Variants in HERC3 observed in about 807,000 individuals in gnomAD.
HERC3 encodes probable E3 ubiquitin-protein ligase HERC3.
Under a neutral mutation model 129.9 loss-of-function variants are expected in HERC3, and 58 were observed. The observed-to-expected ratio is 0.45, with a 90% CI of 0.36 to 0.56. HERC3 has a LOEUF of 0.56. Ranked by LOEUF, HERC3 falls within the 20% of genes least tolerant of loss-of-function variation. The pLI is 0.00. For synonymous variants in HERC3, 430 were observed against 451.0 expected (o/e 0.95, Z 0.59); for missense variants, 835 against 1,244.2 (o/e 0.67, Z 4.95).
chr4:88,655,397 C>T (rs988332805), intron 8 of HERC3, 93 bp downstream of exon 8: 9 of 1,401,586 alleles, frequency 6.4e-6, no homozygotes, highest in African/African-American at 5.7e-5. Flanking sequence ...ACCTAGTCAC[C>T]GTCATTTTAA....
Position 88,609,547 on chromosome 4 carries a change from A to G in HERC3, c.226+3498A>G, listed in dbSNP as rs78873353. ...TCTAGTTTTTTATCTACCAGGAAATAATTGCCTGTCCCTGGGCAAGTTTCT... is the reference window on the plus strand; with the variant it reads ...TCTAGTTTTTTATCTACCAGGAAATGATTGCCTGTCCCTGGGCAAGTTTCT... On this transcript the variant is annotated intron_variant, in intron 3 of 25. Transcript: ENST00000402738. 4.4e-3 allele frequency among the ~76,000 whole-genome samples: 674 copies of G among 152,234 alleles called. 9 individuals are homozygous for G. Among genetic ancestry groups the G allele is most frequent in the African/African-American group, 0.015 (643 of 41,534 alleles).
chr4:88,601,838 C>T (rs1003285400), intron 2 of HERC3, among the ~76,000 whole-genome samples: 1 of 128,646 alleles, frequency 7.8e-6, no homozygotes, highest in Non-Finnish European at 1.5e-5. Flanking sequence ...GGGCGGATCA[C>T]GAGGTCAGGA....
At chr4:88,706,259 CCT>C (rs1177537468) in intron 25 of HERC3, among the ~76,000 whole-genome samples, 2 of 152,152 alleles carry the variant, frequency 1.3e-5, no homozygotes, top group African/African-American at 4.8e-5. Context: ...TGTCTGTCTC[CCT>C]CTCTCTCTTT....
chr4:88,697,140 A>G, intron 23 of HERC3: 1 of 1,430,482 alleles, frequency 7.0e-7, no homozygotes, highest in Non-Finnish European at 9.3e-7. Context: ...GTCCATCGAT[A>G]TTCTGGGAAA....
chr4:88,552,592 T>A, the HERC3 span, among the ~76,000 whole-genome samples: 1 of 152,220 alleles, frequency 6.6e-6, no homozygotes, highest in East Asian at 1.9e-4. Context: ...TGGGCACTTT[T>A]AAGGATGATG....
At chr4:88,542,790 A>T in the HERC3 span, among the ~76,000 whole-genome samples, 9 of 152,352 alleles carry the variant, frequency 5.9e-5, no homozygotes, top group East Asian at 1.5e-3. Flanking sequence ...AACACATGCC[A>T]ATCAATAAAC....
At chr4:88,693,800 T>C (rs1734318943) in intron 23 of HERC3, 1 of 458,044 alleles carries the variant, frequency 2.2e-6, no homozygotes, top group African/African-American at 2.1e-5. Flanking sequence ...GTTGAGTGTG[T>C]ATTGCATGCT....
chr4:88,643,221 T>G (rs548859012), intron 3 of HERC3, among the ~76,000 whole-genome samples: 1 of 152,330 alleles, frequency 6.6e-6, no homozygotes, highest in South Asian at 2.1e-4. Flanking sequence ...AAAAGTCTGG[T>G]AGAAGAAATC....
chr4:88,670,282 T>G lies in HERC3; in HGVS notation c.1911+30T>G, dbSNP rs758919895. 1.4e-5 allele frequency: 20 copies of G among 1,417,468 alleles called. No homozygotes were observed. The South Asian group carries it at 2.1e-4, about 15-fold the overall frequency. 87.8% of individuals were successfully genotyped at this position (1,417,468 alleles called of 1,614,324 possible). On this transcript the variant is annotated intron_variant, in intron 16 of 25. Coordinates refer to ENST00000402738, the MANE Select transcript of HERC3 (RefSeq NM_014606.3). Reference sequence around the variant, plus strand: ...GAATTCATAAAGCATATTTTAAAGCTTTAGTCTTTTTATAAGAAAAGCACA... The same window carrying G: ...GAATTCATAAAGCATATTTTAAAGCGTTAGTCTTTTTATAAGAAAAGCACA...
intron 3 of HERC3, among the ~76,000 whole-genome samples, chr4:88,643,957 T>C (rs1469901338): frequency 2.0e-5 from 3 of 152,174 alleles, no homozygotes; most frequent in Non-Finnish European, 1.5e-5. Context: ...AAAATTTAAT[T>C]TTAAAAATTG....
intron 3 of HERC3, among the ~76,000 whole-genome samples, chr4:88,620,595 A>G (rs1253694810): frequency 6.6e-6 from 1 of 152,130 alleles, no homozygotes; most frequent in Non-Finnish European, 1.5e-5. Flanking sequence ...AGTTACCATC[A>G]TATCTCACCT....
chr4:88,554,839 T>C, the HERC3 span, among the ~76,000 whole-genome samples: 1 of 152,186 alleles, frequency 6.6e-6, no homozygotes, highest in South Asian at 2.1e-4. Context: ...TATACCAAAA[T>C]GGGCTGCTGC....
At chr4:88,688,830 C>T (rs1370858878) in intron 23 of HERC3, among the ~76,000 whole-genome samples, 1 of 152,048 alleles carries the variant, frequency 6.6e-6, no homozygotes, top group African/African-American at 2.4e-5. Flanking sequence ...GCAAGGAAAA[C>T]GTAATTTCTT....
chr4:88,697,688 C>T (rs368612480), intron 23 of HERC3: 22 of 1,610,996 alleles, frequency 1.4e-5, no homozygotes, highest in Non-Finnish European at 1.8e-5. Flanking sequence ...ACCTCCTCTG[C>T]CGCTGCCTCC....
At chr4:88,637,347 AC>A (rs1727537557) in intron 3 of HERC3, among the ~76,000 whole-genome samples, 1 of 152,000 alleles carries the variant, frequency 6.6e-6, no homozygotes, top group South Asian at 2.1e-4. Flanking sequence ...AATGGCATGA[AC>A]CCAGGAGGCA....
the HERC3 span, among the ~76,000 whole-genome samples, chr4:88,577,216 T>C: frequency 2.0e-5 from 3 of 152,184 alleles, no homozygotes; most frequent in Non-Finnish European, 4.4e-5. Flanking sequence ...CAAGGTCCTT[T>C]AGACTAATGA....
intron 3 of HERC3, among the ~76,000 whole-genome samples, chr4:88,607,517 G>A (rs1560669326): frequency 1.3e-5 from 2 of 152,072 alleles, no homozygotes; most frequent in Non-Finnish European, 2.9e-5. Flanking sequence ...AGGCTGGAGT[G>A]CAGTGGTGCC....
intron 3 of HERC3, among the ~76,000 whole-genome samples, chr4:88,642,632 T>C (rs1728243110): frequency 6.6e-6 from 1 of 152,220 alleles, no homozygotes; most frequent in Non-Finnish European, 1.5e-5. Flanking sequence ...CCTTGTTAGC[T>C]CTATCTTCAT....
intron 2 of HERC3, among the ~76,000 whole-genome samples, chr4:88,596,299 C>T (rs978051984): frequency 1.3e-5 from 2 of 152,128 alleles, no homozygotes; most frequent in African/African-American, 2.4e-5. Flanking sequence ...AACTCTGTCC[C>T]CTTTAGACAT....
Sources: allele counts gnomAD v4.1 joint callset (sites outside exome capture counted in the v4.1 genomes callset), GRCh38; gene constraint gnomAD v4.1.1; transcripts MANE v1.5; gene names NCBI Gene and HGNC (gene_info 2026-07-23, HGNC 2026-07-21).